CRYL1: variants seen among roughly 807,000 people sequenced by gnomAD.
CRYL1 encodes lambda-crystallin homolog.
CRYL1 carries 29 observed loss-of-function variants against 36.6 expected under a neutral mutation model. That is an observed-to-expected ratio of 0.79 (90% CI 0.59 to 1.08). The LOEUF is 1.08. Ranked by LOEUF, CRYL1 falls within the 50% of genes least tolerant of loss-of-function variation. CRYL1 has a pLI of 0.00. For synonymous variants in CRYL1, 152 were observed against 151.5 expected (o/e 1.00, Z -0.02); for missense variants, 411 against 407.9 (o/e 1.01, Z -0.06).
chr13:20,439,529 A>G (rs865818768), intron 4 of CRYL1, 64 bp downstream of exon 4: 44,364 of 837,572 alleles, frequency 0.053, 239 homozygotes, highest in East Asian at 0.072. Flanking sequence ...AAAAAAAAAA[A>G]AGAAAAAAAA....
In CRYL1 at chr13:20,425,936, C is replaced by T. The variant is rs886852465; in HGVS notation, c.633+6166G>A. On this transcript the variant is annotated intron_variant, in intron 5 of 7. Coordinates refer to ENST00000298248, the MANE Select transcript of CRYL1 (RefSeq NM_015974.3). The surrounding 1 kb of genome is among the most constrained non-coding windows in gnomAD (Gnocchi z 4.4). ...AGGCATTCAGCTACAATCAGCTATA[C>T]GGGAGTGCTGTTTCTGGGTGTCCCT... 5.3e-5 allele frequency among the ~76,000 whole-genome samples: 8 copies of T among 152,252 alleles called. No individual in the cohort carries two copies. Among genetic ancestry groups the T allele is most frequent in the East Asian group, 1.9e-4 (1 of 5,186 alleles).
intron 3 of CRYL1, among the ~76,000 whole-genome samples, chr13:20,477,736 TTA>T (rs2033193300): frequency 6.8e-6 from 1 of 146,352 alleles, no homozygotes; most frequent in African/African-American, 2.5e-5. Context: ...TATTTTTATA[TTA>T]TATATTATTT....
chr13:20,461,677 G>C (rs2032821131), intron 3 of CRYL1, among the ~76,000 whole-genome samples: 1 of 151,976 alleles, frequency 6.6e-6, no homozygotes, highest in African/African-American at 2.4e-5. Flanking sequence ...CCCCATCTCA[G>C]GATCATGGAA....
rs950443458 is a variant in CRYL1 at position 20,435,690 on chromosome 13, G to A, written c.439-3394C>T. On this transcript the variant is annotated intron_variant, in intron 4 of 7. Transcript: ENST00000298248. The surrounding 1 kb of genome is among the most constrained non-coding windows in gnomAD (Gnocchi z 4.0). ...AGGGTTCGACAGATACAACGGCAGC[G>A]CAGCGCAGGGGCCTGGGCCTGCGCA... Among the ~76,000 whole-genome samples, 1 of 152,036 alleles carries A rather than the reference G, an allele frequency of 6.6e-6. No individual in the cohort carries two copies. Among genetic ancestry groups the A allele is most frequent in the Non-Finnish European group, 1.5e-5 (1 of 67,994 alleles).
intron 3 of CRYL1, among the ~76,000 whole-genome samples, chr13:20,456,211 C>A (rs2032678026): frequency 6.6e-6 from 1 of 152,098 alleles, no homozygotes; most frequent in South Asian, 2.1e-4. Flanking sequence ...CAGTGGCTCA[C>A]ACCTGTAATC....
intron 5 of CRYL1, among the ~76,000 whole-genome samples, chr13:20,414,206 TACACACACAC>T (rs55719240): frequency 3.3e-5 from 5 of 150,494 alleles, no homozygotes; most frequent in African/African-American, 1.2e-4. Context: ...ATTAAAAAAA[TACACACACAC>T]ACACACACAC....
rs1046357545 is a variant in CRYL1 at position 20,425,098 on chromosome 13, C to T, written c.633+7004G>A. ...TTACTCAAGCCTCAACATTTTCCCC[C>T]GGACACATTCCAGGTGCACCACAGT... On this transcript the variant is annotated intron_variant, in intron 5 of 7. Coordinates refer to ENST00000298248, the MANE Select transcript of CRYL1 (RefSeq NM_015974.3). This position sits in a 1 kb window ranked among gnomAD's most constrained non-coding sequence, Gnocchi z 4.4. 1.3e-5 allele frequency among the ~76,000 whole-genome samples: 2 copies of T among 152,206 alleles called. No homozygotes were observed. The highest frequency in any genetic ancestry group is 2.1e-4 in the South Asian group (1 of 4,832).
At chr13:20,523,721 A>G (rs921781439) in intron 1 of CRYL1, among the ~76,000 whole-genome samples, 2 of 152,018 alleles carry the variant, frequency 1.3e-5, no homozygotes, top group Non-Finnish European at 2.9e-5. Context: ...GGGTGGGGGA[A>G]AGACAAGATT....
chr13:20,409,856 T>C (rs931849314), intron 6 of CRYL1, among the ~76,000 whole-genome samples: 2 of 152,158 alleles, frequency 1.3e-5, no homozygotes, highest in Non-Finnish European at 2.9e-5. Flanking sequence ...CCAGTTAGAA[T>C]GGCAATCATT....
intron 3 of CRYL1, among the ~76,000 whole-genome samples, chr13:20,452,444 G>A (rs2032591467): frequency 1.3e-5 from 2 of 152,092 alleles, no homozygotes; most frequent in Non-Finnish European, 2.9e-5. Flanking sequence ...CAGAGAAAAA[G>A]AAGGGCATTA....
chr13:20,481,739 C>T lies in CRYL1; in HGVS notation c.276+7631G>A, dbSNP rs965268635. 2.0e-5 allele frequency among the ~76,000 whole-genome samples: 3 copies of T among 151,972 alleles called. No homozygotes were observed. Among genetic ancestry groups the T allele is most frequent in the Non-Finnish European group, 4.4e-5 (3 of 68,000 alleles). ...CAGCCTGGCCAACATGATGAAACCC[C>T]GTCTCTACTAAAAATACAAAACTTA... On this transcript the variant is annotated intron_variant, in intron 3 of 7. Coordinates refer to ENST00000298248, the MANE Select transcript of CRYL1 (RefSeq NM_015974.3). This position sits in a 1 kb window ranked among gnomAD's most constrained non-coding sequence, Gnocchi z 4.1.
chr13:20,520,043 G>C (rs1468495592), intron 1 of CRYL1, among the ~76,000 whole-genome samples: 1 of 152,160 alleles, frequency 6.6e-6, no homozygotes, highest in Non-Finnish European at 1.5e-5. Flanking sequence ...TCCAGAGAAG[G>C]GAGAATAACT....
chr13:20,455,875 A>T (rs2032671340), intron 3 of CRYL1, among the ~76,000 whole-genome samples: 1 of 152,258 alleles, frequency 6.6e-6, no homozygotes, highest in Non-Finnish European at 1.5e-5. Flanking sequence ...TAATATGGGC[A>T]CATACTGTTA....
At position 20,500,108 on chromosome 13, in the gene CRYL1, A is replaced by G. The variant is rs371845678; in HGVS notation, c.150-10612T>C. ...TGTTCACAAAGATGGCTAACTCAAC[A>G]TGAAGCAGAGCAGGAGTTGTCTGCA... On this transcript the variant is annotated intron_variant, in intron 2 of 7. Transcript: ENST00000298248. 5.2e-4 allele frequency among the ~76,000 whole-genome samples: 79 copies of G among 152,376 alleles called. 1 individual carries two copies. The East Asian group carries it at 8.9e-3, about 17-fold the overall frequency.
At chr13:20,470,445 C>T (rs9578287) in intron 3 of CRYL1, among the ~76,000 whole-genome samples, 15,657 of 152,270 alleles carry the variant, frequency 0.1, 1,292 homozygotes, top group African/African-American at 0.21. Flanking sequence ...GCAGTGACAT[C>T]GTCCAATCTT....
chr13:20,474,955 G>A lies in CRYL1; in HGVS notation c.276+14415C>T, dbSNP rs78239472. On this transcript the variant is annotated intron_variant, in intron 3 of 7. Coordinates refer to ENST00000298248, the MANE Select transcript of CRYL1 (RefSeq NM_015974.3). ...CCTGCCTCAGGGTCAAGCAAGCTCCGAACTCTTGGTCCATCCACTCTAGCT... is the reference window on the plus strand; with the variant it reads ...CCTGCCTCAGGGTCAAGCAAGCTCCAAACTCTTGGTCCATCCACTCTAGCT... 2.6e-5 allele frequency among the ~76,000 whole-genome samples: 4 copies of A among 152,236 alleles called. No homozygotes were observed. The East Asian group carries it at 5.8e-4, about 22-fold the overall frequency.
intron 2 of CRYL1, among the ~76,000 whole-genome samples, chr13:20,493,888 G>A (rs112590929): frequency 3.3e-5 from 5 of 152,310 alleles, no homozygotes; most frequent in African/African-American, 1.2e-4. Flanking sequence ...GGTGTCCCCT[G>A]AACAATGTCT....
chr13:20,422,122 G>A (rs2031831793), intron 5 of CRYL1, among the ~76,000 whole-genome samples: 1 of 152,128 alleles, frequency 6.6e-6, no homozygotes, highest in Non-Finnish European at 1.5e-5. Context: ...ACTTTGGGAG[G>A]CCAAGGCAGG....
intron 3 of CRYL1, among the ~76,000 whole-genome samples, chr13:20,455,197 C>T (rs928172534): frequency 6.6e-6 from 1 of 152,138 alleles, no homozygotes; most frequent in Non-Finnish European, 1.5e-5. Context: ...CACACATACA[C>T]AAGAATTACT....
Sources: gnomAD v4.1 joint callset for allele counts (sites outside exome capture counted in the v4.1 genomes callset) on GRCh38, gnomAD v4.1.1 for gene constraint, Gnocchi (gnomAD v3.1) non-coding constraint, MANE v1.5 for transcripts, NCBI Gene and HGNC (gene_info 2026-07-23, HGNC 2026-07-21) for gene names.